Variants in ZNF675 observed in about 807,000 individuals in gnomAD.
The protein encoded by ZNF675 is TRAF6 inhibitory zinc finger.
In ZNF675, 36 loss-of-function variants were observed where a neutral mutation model predicts 56.1. The observed-to-expected ratio is 0.64, with a 90% CI of 0.49 to 0.85. ZNF675 has a LOEUF of 0.85. ZNF675 is among the 40% of genes least tolerant of loss of function. ZNF675 has a pLI of 0.00. For missense variants in ZNF675, 663 were observed against 654.2 expected (o/e 1.01, Z -0.15); for synonymous variants, 200 against 218.9 (o/e 0.91, Z 0.76).
chr19:23,657,590 G>A (rs897609287), intron 3 of ZNF675, among the ~76,000 whole-genome samples: 2 of 152,104 alleles, frequency 1.3e-5, no homozygotes. Flanking sequence ...GGTGGCGCAT[G>A]CCTGTAATCC....
intron 3 of ZNF675, among the ~76,000 whole-genome samples, chr19:23,657,692 G>C (rs1453807803): frequency 6.6e-6 from 1 of 152,100 alleles, no homozygotes; most frequent in Non-Finnish European, 1.5e-5. Context: ...ACTCCAGCCT[G>C]GGCAACAAGA....
intron 3 of ZNF675, among the ~76,000 whole-genome samples, chr19:23,658,022 C>T (rs1264047795): frequency 1.3e-5 from 2 of 151,956 alleles, no homozygotes; most frequent in Non-Finnish European, 2.9e-5. Context: ...GTAAGAGAAA[C>T]GTTTACTCAT....
At chr19:23,672,047 A>G (rs372193144) in intron 1 of ZNF675, among the ~76,000 whole-genome samples, 2 of 152,116 alleles carry the variant, frequency 1.3e-5, no homozygotes, top group African/African-American at 4.8e-5. Flanking sequence ...GAGGGTTCTC[A>G]GTGCCCCTGA....
rs1599426887 is a variant in ZNF675 at position 23,684,430 on chromosome 19, AGGTCGGGAGTTTGAGACAAG to A, written c.3+2581_3+2600del. 2.0e-5 allele frequency among the ~76,000 whole-genome samples: 3 copies of A among 151,952 alleles called. No individual in the cohort carries two copies. In the East Asian group the frequency reaches 5.8e-4, roughly 30 times the overall value. ...GAGGCCAAGAGGGGCGGATCACCTG[AGGTCGGGAGTTTGAGACAAG>A]CCTGGCCAACACGGGAAAACCCCGT... On this transcript the variant is annotated intron_variant, in intron 1 of 3. Transcript: ENST00000359788.
At chr19:23,660,039 C>T (rs965346564) in intron 3 of ZNF675, among the ~76,000 whole-genome samples, 2 of 152,154 alleles carry the variant, frequency 1.3e-5, no homozygotes, top group African/African-American at 4.8e-5. Flanking sequence ...GACCCTACTG[C>T]AAAAACCTGC....
In ZNF675 at chr19:23,679,323, C is replaced by T. The variant is rs1392964013; in HGVS notation, c.3+7708G>A. On this transcript the variant is annotated intron_variant, in intron 1 of 3. Transcript: ENST00000359788. The stretch of plus-strand genomic sequence containing the variant: ...TATTTAATAAATGGTGCAGTAATAA[C>T]TATTTAGCACTATGTACAAGGCTAA... Among the ~76,000 whole-genome samples, 4 of 151,560 alleles carry T rather than the reference C, an allele frequency of 2.6e-5. 1 individual carries two copies. Among genetic ancestry groups the T allele is most frequent in the African/African-American group, 9.8e-5 (4 of 40,994 alleles).
At chr19:23,676,686 C>T (rs550534291) in intron 1 of ZNF675, among the ~76,000 whole-genome samples, 1 of 151,946 alleles carries the variant, frequency 6.6e-6, no homozygotes, top group Admixed American at 6.5e-5. Flanking sequence ...ACAAACTAGG[C>T]ATTGAAGGTA....
At chr19:23,660,284 TGA>T (rs1484180839) in intron 3 of ZNF675, among the ~76,000 whole-genome samples, 2 of 151,838 alleles carry the variant, frequency 1.3e-5, no homozygotes, top group Non-Finnish European at 2.9e-5. Flanking sequence ...TATAAAAACT[TGA>T]GGTGTTTTCT....
chr19:23,658,023 G>A (rs8106553), intron 3 of ZNF675, among the ~76,000 whole-genome samples: 147,920 of 152,262 alleles, frequency 0.97, 72,013 homozygotes, highest in Middle Eastern at 1. Flanking sequence ...TAAGAGAAAC[G>A]TTTACTCATA....
At position 23,653,248 on chromosome 19, in the gene ZNF675, T is replaced by C; in HGVS notation, c.1685A>G (p.Lys562Arg). Residue 562 changes from lysine (K) to arginine (R), a missense_variant, in exon 4 of 4, where the codon AAA (lysine) becomes AGA (arginine). Lys to Arg is a conservative substitution (Grantham distance 26). Coordinates refer to ENST00000359788, the MANE Select transcript of ZNF675 (RefSeq NM_138330.3). ...TTATCACACATTCCAGTTCTGTAGT[T>C]TCTCTCCAGTATGTATTTTTTTATG... Reference protein sequence around the residue: ...TKHKKIHTGEKLQNWNV With the variant: ...TKHKKIHTGERLQNWNV 6.2e-7 allele frequency: 1 copy of C among 1,602,732 alleles called. No individual in the cohort carries two copies. The highest frequency in any genetic ancestry group is 2.2e-5 in the East Asian group (1 of 44,674).
intron 1 of ZNF675, among the ~76,000 whole-genome samples, chr19:23,670,602 T>C (rs1428316770): frequency 6.6e-6 from 1 of 151,908 alleles, no homozygotes; most frequent in Non-Finnish European, 1.5e-5. Context: ...CCCTACAAGT[T>C]CCCCTCATAC....
At chr19:23,672,174 TAAAAAAAA>T (rs56087062) in intron 1 of ZNF675, among the ~76,000 whole-genome samples, 142,041 of 145,852 alleles carry the variant, frequency 0.97, 69,291 homozygotes, top group East Asian at 1. Context: ...CTCTTGGGTT[TAAAAAAAA>T]AAAAAAAAAA....
chr19:23,668,436 C>G (rs989737214), intron 1 of ZNF675, among the ~76,000 whole-genome samples: 3 of 152,236 alleles, frequency 2.0e-5, no homozygotes, highest in African/African-American at 7.2e-5. Flanking sequence ...TCCACGTACC[C>G]ACCAGACTCA....
At chr19:23,658,579 C>G (rs4502352) in intron 3 of ZNF675, 147,588 of 151,918 alleles carry the variant, frequency 0.97, 71,852 homozygotes, top group Middle Eastern at 1. Context: ...ACTCAGGAGG[C>G]TGAGACAGGA....
intron 1 of ZNF675, among the ~76,000 whole-genome samples, chr19:23,677,335 T>G (rs115366458): frequency 5.9e-5 from 9 of 151,710 alleles, no homozygotes; most frequent in African/African-American, 2.2e-4. Flanking sequence ...TCAGCAAAGT[T>G]TCAGAATACA....
At chr19:23,680,014 A>G (rs1387185350) in intron 1 of ZNF675, among the ~76,000 whole-genome samples, 1 of 150,198 alleles carries the variant, frequency 6.7e-6, no homozygotes, top group Non-Finnish European at 1.5e-5. Flanking sequence ...AAACATTAAT[A>G]AAAACAAAAT....
intron 1 of ZNF675, among the ~76,000 whole-genome samples, chr19:23,663,689 C>T (rs1199240447): frequency 2.0e-5 from 3 of 152,072 alleles, no homozygotes; most frequent in South Asian, 2.1e-4. Context: ...TGCACTCCAG[C>T]GTGGGCAACA....
chr19:23,667,902 A>C (rs565691051), intron 1 of ZNF675, among the ~76,000 whole-genome samples: 1 of 147,450 alleles, frequency 6.8e-6, no homozygotes, highest in South Asian at 2.2e-4. Flanking sequence ...ACCTTGAGCT[A>C]GATACAGAGT....
chr19:23,662,984 A>G (rs1249243097), intron 2 of ZNF675, 48 bp downstream of exon 2: 10 of 1,373,090 alleles, frequency 7.3e-6, no homozygotes, highest in Non-Finnish European at 9.4e-6. Flanking sequence ...CTCCGTCTCA[A>G]AAGAAAAACA....
Sources: allele counts gnomAD v4.1 joint callset (sites outside exome capture counted in the v4.1 genomes callset), GRCh38; gene constraint gnomAD v4.1.1; transcripts MANE v1.5; gene names NCBI Gene and HGNC (gene_info 2026-07-23, HGNC 2026-07-21).